Variants in PTPRT observed in about 807,000 individuals in gnomAD.
PTPRT encodes the protein receptor-type tyrosine-protein phosphatase T.
In PTPRT, 56 loss-of-function variants were observed where a neutral mutation model predicts 176.8. The observed-to-expected ratio is 0.32, with a 90% confidence interval of 0.26 to 0.40. The LOEUF is 0.40. PTPRT is among the 10% of genes least tolerant of loss of function. PTPRT has a pLI of 1.00. For synonymous variants in PTPRT, 783 were observed against 739.0 expected, an observed-to-expected ratio of 1.06 and a Z score of -0.96; for missense variants, 1,540 against 1,908.2, an observed-to-expected ratio of 0.81 and a Z score of 3.60.
chr20:42,702,021 C>A (rs373081254), intron 6 of PTPRT, among the ~76,000 whole-genome samples: 1 of 151,932 alleles, frequency 6.6e-6, no homozygotes, highest in African/African-American at 2.4e-5. Flanking sequence ...CTTACCCTAA[C>A]CCGACTCTAA....
intron 11 of PTPRT, among the ~76,000 whole-genome samples, chr20:42,318,251 C>T (rs181381493): frequency 2.4e-4 from 37 of 152,258 alleles, no homozygotes; most frequent in African/African-American, 8.2e-4. Context: ...CTGTACAATT[C>T]CTATGTTTAT....
At chr20:42,874,941 G>A (rs2078906281) in intron 2 of PTPRT, among the ~76,000 whole-genome samples, 1 of 152,000 alleles carries the variant, frequency 6.6e-6, no homozygotes, top group Admixed American at 6.6e-5. Flanking sequence ...CAGGCTGGAG[G>A]GCAATGGCGC....
At position 42,074,008 on chromosome 20, in the gene PTPRT, A is replaced by G. The variant is rs1457740425; in HGVS notation, c.*6871T>C. On this transcript the variant is annotated 3_prime_UTR_variant, in exon 31 of 31. Transcript: ENST00000373187. ...TAAGTTTCACTCATGGGTCCTAGTT[A>G]TACTCAGAGGAGTGACCTGGGTCTA... is the stretch of plus-strand genomic sequence containing the variant. 3 of 230,458 alleles carry G rather than the reference A, an allele frequency of 1.3e-5. No individual in the cohort carries two copies. The highest frequency in any genetic ancestry group is 4.4e-5 in the African/African-American group (2 of 45,192). 14.3% of individuals were successfully genotyped at this position (230,458 alleles called of 1,614,324 possible). A position where few individuals can be genotyped will look rare whatever the true frequency, so the allele number is the denominator to read the frequency against.
intron 7 of PTPRT, among the ~76,000 whole-genome samples, chr20:42,571,709 G>A (rs967828938): frequency 6.6e-6 from 1 of 152,126 alleles, no homozygotes; most frequent in Admixed American, 6.5e-5. Flanking sequence ...TATCCAAGAA[G>A]GCTGAGGGGC....
intron 7 of PTPRT, among the ~76,000 whole-genome samples, chr20:42,662,590 G>C (rs918929156): frequency 6.6e-6 from 1 of 152,134 alleles, no homozygotes; most frequent in Non-Finnish European, 1.5e-5. Context: ...AGTGAGGTAA[G>C]CAGCATTATA....
At chr20:42,771,648 T>G in intron 4 of PTPRT, 98 bp from the exon 5 acceptor site, 1 of 918,480 alleles carries the variant, frequency 1.1e-6, no homozygotes, top group Non-Finnish European at 1.8e-6. Context: ...CTGGGCAGGG[T>G]GGAACTGGCA....
At chr20:42,526,014 G>GT (rs11477358) in intron 7 of PTPRT, among the ~76,000 whole-genome samples, 2,101 of 144,662 alleles carry the variant, frequency 0.015, 49 homozygotes, top group South Asian at 0.097. Flanking sequence ...TATGGAGAGT[G>GT]TTTTTTTTTT....
chr20:42,635,317 C>G (rs895504484), intron 7 of PTPRT, among the ~76,000 whole-genome samples: 1 of 151,916 alleles, frequency 6.6e-6, no homozygotes, highest in African/African-American at 2.4e-5. Context: ...GCAAAGAGAA[C>G]TCCAGTATCA....
At chr20:42,139,026 C>A (rs2146404618) in intron 18 of PTPRT, among the ~76,000 whole-genome samples, 1 of 152,314 alleles carries the variant, frequency 6.6e-6, no homozygotes, top group East Asian at 1.9e-4. Flanking sequence ...GCAGGCTTTG[C>A]CTTTGGGAGG....
chr20:42,584,445 G>C lies in PTPRT; in HGVS notation c.1153+93421C>G, dbSNP rs371081600. 1.3e-3 allele frequency among the ~76,000 whole-genome samples: 204 copies of C among 152,166 alleles called. 4 individuals carry two copies. In the South Asian group the frequency reaches 0.039, roughly 29 times the overall value. Reference sequence around the variant, plus strand: ...CCTCTGTGAGGATAATCCTCCCCCAGATGTCAGCACGGCATGGTCCCTGGC... The same window carrying C: ...CCTCTGTGAGGATAATCCTCCCCCACATGTCAGCACGGCATGGTCCCTGGC... On this transcript the variant is annotated intron_variant, in intron 7 of 30. Transcript: ENST00000373187.
chr20:43,024,624 T>G (rs1485134699), intron 1 of PTPRT, among the ~76,000 whole-genome samples: 1 of 149,942 alleles, frequency 6.7e-6, no homozygotes, highest in African/African-American at 2.4e-5. Flanking sequence ...AACATTCCCA[T>G]GTGAATTGAA....
rs560860138 is a variant in PTPRT, at chr20:42,520,499, T to C, written c.1154-47937A>G. Among the ~76,000 whole-genome samples the C allele has an allele frequency of 1.0e-3, 155 of 152,254 alleles. 1 individual carries two copies. Among genetic ancestry groups the C allele is most frequent in the African/African-American group, 3.6e-3 (148 of 41,558 alleles). ...CTTAGATTTTTCTGTTTTGGTTGTA[T>C]ATTTTTAAAGACAATGCCTTCAGTC... On this transcript the variant is annotated intron_variant, in intron 7 of 30. Coordinates refer to ENST00000373187, the MANE Select transcript of PTPRT (RefSeq NM_007050.6).
At chr20:43,137,830 T>C (rs1447983858) in intron 1 of PTPRT, among the ~76,000 whole-genome samples, 1 of 152,128 alleles carries the variant, frequency 6.6e-6, no homozygotes, top group Non-Finnish European at 1.5e-5. Flanking sequence ...AAGTGTGACA[T>C]GGCTGCCATA....
intron 1 of PTPRT, among the ~76,000 whole-genome samples, chr20:43,183,496 A>G (rs2015317153): frequency 6.6e-6 from 1 of 152,214 alleles, no homozygotes; most frequent in Admixed American, 6.5e-5. Context: ...TAACTTCACA[A>G]AGGCCCGTGG....
chr20:43,034,031 G>T (rs1322502681), intron 1 of PTPRT, among the ~76,000 whole-genome samples: 1 of 152,182 alleles, frequency 6.6e-6, no homozygotes, highest in Non-Finnish European at 1.5e-5. Context: ...TAACTCATTT[G>T]CCCCAGCCAC....
chr20:42,465,409 G>C (rs2071087252), intron 8 of PTPRT, among the ~76,000 whole-genome samples: 1 of 152,144 alleles, frequency 6.6e-6, no homozygotes, highest in Non-Finnish European at 1.5e-5. Flanking sequence ...AACAACCTGG[G>C]TGTCCACTGG....
chr20:42,305,307 T>C (rs542731389), intron 12 of PTPRT, among the ~76,000 whole-genome samples: 1 of 152,022 alleles, frequency 6.6e-6, no homozygotes, highest in South Asian at 2.1e-4. Flanking sequence ...GCTGAGATCA[T>C]GCCACTGCAA....
intron 5 of PTPRT, among the ~76,000 whole-genome samples, chr20:42,757,542 C>T (rs984129570): frequency 1.3e-5 from 2 of 152,220 alleles, no homozygotes; most frequent in Non-Finnish European, 2.9e-5. Context: ...TAAAAAGCCA[C>T]GTTCAGCTCA....
intron 16 of PTPRT, among the ~76,000 whole-genome samples, chr20:42,161,919 T>G (rs946397666): frequency 3.9e-5 from 6 of 152,158 alleles, no homozygotes; most frequent in Non-Finnish European, 5.9e-5. Flanking sequence ...CTGGAAATAG[T>G]GCCTGATGCC....
Sources: allele counts gnomAD v4.1 joint callset (sites outside exome capture counted in the v4.1 genomes callset), GRCh38; gene constraint gnomAD v4.1.1; transcripts MANE v1.5; gene names NCBI Gene and HGNC (gene_info 2026-07-23, HGNC 2026-07-21).